The following RBM27 variants were observed in gnomAD, a reference collection of about 807,000 sequenced individuals.
The protein encoded by RBM27 is RNA binding motif protein 27, also known as RNA-binding protein 27.
RBM27 carries 22 observed loss-of-function variants against 135.3 expected under a neutral mutation model. The ratio of observed to expected loss-of-function variants is 0.16; its 90% CI spans 0.12 to 0.23. The LOEUF is 0.23. RBM27 is among the 10% of genes least tolerant of loss of function. The pLI, the probability that RBM27 is intolerant of heterozygous loss-of-function variation, is 1.00. For synonymous variants in RBM27, 481 were observed against 442.4 expected (o/e 1.09, Z -1.10); for missense variants, 1,009 against 1,281.0 (o/e 0.79, Z 3.24).
At chr5:146,263,829 G>A (rs1048510188) in intron 14 of RBM27, among the ~76,000 whole-genome samples, 198 bp downstream of exon 14, 2 of 152,108 alleles carry the variant, frequency 1.3e-5, no homozygotes, top group Non-Finnish European at 2.9e-5. Context: ...AGGAGGCTGG[G>A]CGTGGTGGCT....
At chr5:146,278,444 A>C (rs550977808) in intron 19 of RBM27, among the ~76,000 whole-genome samples, 1 of 152,024 alleles carries the variant, frequency 6.6e-6, no homozygotes, top group East Asian at 1.9e-4. Context: ...ACTCAATTTC[A>C]CTCCCCATAG....
intron 10 of RBM27, among the ~76,000 whole-genome samples, chr5:146,256,307 TTA>T (rs915534106): frequency 4.1e-5 from 6 of 146,992 alleles, no homozygotes; most frequent in African/African-American, 1.5e-4. Flanking sequence ...TATATATTAT[TTA>T]TATATATATT....
At chr5:146,285,012 G>A (rs1759524453) in intron 20 of RBM27, among the ~76,000 whole-genome samples, 1 of 152,044 alleles carries the variant, frequency 6.6e-6, no homozygotes, top group Non-Finnish European at 1.5e-5. Context: ...GATGAATAAA[G>A]TCAGAGATTA....
At chr5:146,282,759 A>G (rs1759416611) in intron 19 of RBM27, among the ~76,000 whole-genome samples, 1 of 152,200 alleles carries the variant, frequency 6.6e-6, no homozygotes, top group South Asian at 2.1e-4. Context: ...TGATGACTGT[A>G]TGTGGAATTG....
At chr5:146,223,229 G>A (rs1038726196) in intron 2 of RBM27, among the ~76,000 whole-genome samples, 174 bp from the exon 3 acceptor site, 5 of 152,096 alleles carry the variant, frequency 3.3e-5, no homozygotes, top group Non-Finnish European at 7.4e-5. Flanking sequence ...TTTGCAAGTA[G>A]GTCAGAAGGA....
At chr5:146,230,599 T>G in intron 5 of RBM27, 58 bp from the exon 6 acceptor site, 1 of 1,540,120 alleles carries the variant, frequency 6.5e-7, no homozygotes, top group Non-Finnish European at 8.9e-7. Flanking sequence ...AAATATAGTT[T>G]AAGAACATGA....
intron 8 of RBM27, among the ~76,000 whole-genome samples, chr5:146,243,503 C>T (rs1757497419): frequency 1.3e-5 from 2 of 152,056 alleles, no homozygotes; most frequent in South Asian, 4.1e-4. Flanking sequence ...GATGTTCAGC[C>T]AGTAACTATA....
At chr5:146,262,976 C>T (rs2126858471) in intron 13 of RBM27, among the ~76,000 whole-genome samples, 2 of 151,680 alleles carry the variant, frequency 1.3e-5, no homozygotes, top group Middle Eastern at 6.8e-3. Context: ...GCAACCTCTG[C>T]CTCCTGGTTC....
intron 1 of RBM27, among the ~76,000 whole-genome samples, chr5:146,205,719 G>A (rs1755612697): frequency 6.6e-6 from 1 of 152,112 alleles, no homozygotes; most frequent in African/African-American, 2.4e-5. Context: ...ATATCTGTAT[G>A]TTTAAAGTAT....
chr5:146,213,164 G>A (rs1346785344), intron 1 of RBM27, among the ~76,000 whole-genome samples: 3 of 151,838 alleles, frequency 2.0e-5, no homozygotes, highest in Admixed American at 6.6e-5. Flanking sequence ...GTGCAATGGC[G>A]TGATCTTGGC....
At chr5:146,230,316 T>C (rs1756873930) in intron 5 of RBM27, among the ~76,000 whole-genome samples, 1 of 152,212 alleles carries the variant, frequency 6.6e-6, no homozygotes, top group South Asian at 2.1e-4. Context: ...AGTAGATTAT[T>C]GGGATCCCAA....
intron 8 of RBM27, among the ~76,000 whole-genome samples, chr5:146,249,033 A>G (rs1187003488): frequency 6.6e-6 from 1 of 151,958 alleles, no homozygotes; most frequent in East Asian, 1.9e-4. Context: ...CCTAAGCTGG[A>G]GTACAGTGGC....
chr5:146,243,138 C>T (rs1293085050), intron 8 of RBM27, among the ~76,000 whole-genome samples: 3 of 151,566 alleles, frequency 2.0e-5, no homozygotes, highest in East Asian at 2.0e-4. Context: ...TGGTGGTGGG[C>T]GCCTGTAATC....
intron 8 of RBM27, among the ~76,000 whole-genome samples, chr5:146,244,416 A>T (rs908991318): frequency 2.0e-5 from 3 of 152,194 alleles, no homozygotes; most frequent in African/African-American, 7.2e-5. Context: ...TTCTTGAGTT[A>T]AAATGTCATA....
chr5:146,282,457 T>C (rs529547952), intron 19 of RBM27, among the ~76,000 whole-genome samples: 9 of 152,354 alleles, frequency 5.9e-5, no homozygotes, highest in African/African-American at 2.2e-4. Context: ...TTCACCTCCA[T>C]GGATTCAACC....
At chr5:146,257,159 G>C (rs1758139497) in intron 10 of RBM27, among the ~76,000 whole-genome samples, 1 of 152,182 alleles carries the variant, frequency 6.6e-6, no homozygotes, top group African/African-American at 2.4e-5. Flanking sequence ...TAATTTCCCT[G>C]ACAAAGATGA....
chr5:146,247,731 A>C (rs556718521), intron 8 of RBM27, among the ~76,000 whole-genome samples: 28 of 152,180 alleles, frequency 1.8e-4, no homozygotes, highest in Non-Finnish European at 3.8e-4. Context: ...AGAACATTTT[A>C]TAGATGGCGT....
At chr5:146,223,304 T>C in intron 2 of RBM27, 99 bp from the exon 3 acceptor site, 1 of 1,089,112 alleles carries the variant, frequency 9.2e-7, no homozygotes, top group Non-Finnish European at 1.3e-6. Flanking sequence ...CTACTAGCAG[T>C]GTACAAGATG....
intron 12 of RBM27, chr5:146,261,289 C>A: frequency 1.7e-6 from 1 of 592,962 alleles, no homozygotes; most frequent in Non-Finnish European, 3.0e-6. Context: ...AGATCTCTTT[C>A]TCTTCTTTTA....
Sources: gnomAD v4.1 joint callset for allele counts (sites outside exome capture counted in the v4.1 genomes callset) on GRCh38, gnomAD v4.1.1 for gene constraint, MANE v1.5 for transcripts, NCBI Gene and HGNC (gene_info 2026-07-23, HGNC 2026-07-21) for gene names.